The following DAB1 variants were observed in gnomAD, a reference collection of about 807,000 sequenced individuals.
DAB1 encodes the protein DAB adaptor protein 1.
In DAB1, 15 loss-of-function variants were observed where a neutral mutation model predicts 64.6. The observed-to-expected ratio is 0.23, with a 90% CI of 0.16 to 0.36. DAB1 has a LOEUF of 0.36. DAB1 is among the 10% of genes least tolerant of loss of function. DAB1 has a pLI of 1.00. For synonymous variants in DAB1, 235 were observed against 251.9 expected (o/e 0.93, Z 0.64); for missense variants, 596 against 706.7 (o/e 0.84, Z 1.78).
At chr1:58,077,547 T>G (rs1222254061) in intron 5 of DAB1, among the ~76,000 whole-genome samples, 1 of 152,168 alleles carries the variant, frequency 6.6e-6, no homozygotes, top group Non-Finnish European at 1.5e-5. Context: ...GAACAAAGCT[T>G]GCATTGACAA....
At chr1:58,146,432 T>A (rs755461191) in intron 5 of DAB1, among the ~76,000 whole-genome samples, 4 of 152,228 alleles carry the variant, frequency 2.6e-5, no homozygotes, top group Non-Finnish European at 5.9e-5. Flanking sequence ...GTCCTCAAGC[T>A]GTACATCAGA....
chr1:57,465,071 C>T (rs1686910594), intron 7 of DAB1, among the ~76,000 whole-genome samples: 1 of 152,140 alleles, frequency 6.6e-6, no homozygotes, highest in African/African-American at 2.4e-5. Context: ...CTATGCAATA[C>T]CTCAGCTTTT....
At chr1:58,010,079 A>G (rs1172398229) in intron 5 of DAB1, among the ~76,000 whole-genome samples, 1 of 152,172 alleles carries the variant, frequency 6.6e-6, no homozygotes, top group African/African-American at 2.4e-5. Flanking sequence ...AAGTGTAGAC[A>G]GTCTGGCATG....
At chr1:58,014,298 A>G (rs979923097) in intron 5 of DAB1, among the ~76,000 whole-genome samples, 2 of 152,210 alleles carry the variant, frequency 1.3e-5, no homozygotes, top group African/African-American at 4.8e-5. Context: ...GGTTGTTTCT[A>G]CCTAGGGAGG....
chr1:57,783,156 C>T (rs1229923323), intron 6 of DAB1, among the ~76,000 whole-genome samples: 1 of 133,934 alleles, frequency 7.5e-6, no homozygotes, highest in Non-Finnish European at 1.5e-5. Context: ...TAGGCCCAGG[C>T]TGGAGTGCAG....
chr1:58,539,109 A>C (rs1356371226), intron 1 of DAB1: 1 of 872,658 alleles, frequency 1.1e-6, no homozygotes, highest in Non-Finnish European at 2.0e-6. Flanking sequence ...CAGGCAGAAA[A>C]CTCCACCTGT....
chr1:58,491,788 T>A (rs1054729215), intron 3 of DAB1, among the ~76,000 whole-genome samples: 1 of 151,570 alleles, frequency 6.6e-6, no homozygotes, highest in African/African-American at 2.4e-5. Context: ...ACCTACAAAG[T>A]GACTTAGACT....
intron 5 of DAB1, among the ~76,000 whole-genome samples, chr1:58,141,489 C>T (rs764444637): frequency 2.6e-5 from 4 of 152,064 alleles, no homozygotes; most frequent in African/African-American, 9.7e-5. Flanking sequence ...ATGAGATTTG[C>T]GTAGGGACAC....
chr1:57,255,966 A>G (rs1055493906), intron 2 of DAB1, among the ~76,000 whole-genome samples: 1 of 152,248 alleles, frequency 6.6e-6, no homozygotes, highest in Non-Finnish European at 1.5e-5. Context: ...TTAAATGTAT[A>G]TCTTAAATCA....
At chr1:57,641,378 GGTTTTTTTT>G (rs1646126739) in intron 7 of DAB1, among the ~76,000 whole-genome samples, 2 of 109,804 alleles carry the variant, frequency 1.8e-5, no homozygotes, top group African/African-American at 6.7e-5. Context: ...TTTTTTTGTT[GGTTTTTTTT>G]TTTTTTTTTT....
chr1:57,063,949 TG>T (rs1650659423), intron 8 of DAB1, among the ~76,000 whole-genome samples: 1 of 152,192 alleles, frequency 6.6e-6, no homozygotes, highest in Non-Finnish European at 1.5e-5. Context: ...CAGCCAGCAG[TG>T]GTTTTATAAT....
rs939241791 is a variant in DAB1 at position 57,246,270 on chromosome 1, C to G, written c.67+44694G>C. On this transcript the variant is annotated intron_variant, in intron 2 of 14. Coordinates refer to ENST00000371236, the MANE Select transcript of DAB1 (RefSeq NM_001365792.1). ...GGCAAGAACCTACCACCCGCTGCCC[C>G]CTGCTCTGTGCAGCCTTGGGACATG... Among the ~76,000 whole-genome samples, 15 of 152,338 alleles carry G rather than the reference C, an allele frequency of 9.8e-5. No individual in the cohort carries two copies. The South Asian group carries it at 1.7e-3, about 17-fold the overall frequency.
At chr1:57,252,729 A>G (rs1475650090) in intron 2 of DAB1, among the ~76,000 whole-genome samples, 1 of 152,210 alleles carries the variant, frequency 6.6e-6, no homozygotes, top group Non-Finnish European at 1.5e-5. Flanking sequence ...GGGGGCATGT[A>G]TTACAGGCAA....
intron 5 of DAB1, among the ~76,000 whole-genome samples, chr1:58,011,284 G>A (rs1646664617): frequency 6.6e-6 from 1 of 152,200 alleles, no homozygotes; most frequent in Admixed American, 6.5e-5. Context: ...GTATTGGCCT[G>A]TGAAGCCATC....
chr1:58,453,348 G>A (rs1419961557), intron 3 of DAB1, among the ~76,000 whole-genome samples: 1 of 152,110 alleles, frequency 6.6e-6, no homozygotes, highest in Non-Finnish European at 1.5e-5. Context: ...AAAGGAAGTC[G>A]ACTTGACTGC....
intron 14 of DAB1, among the ~76,000 whole-genome samples, chr1:57,007,604 G>C (rs187187124): frequency 6.6e-6 from 1 of 152,318 alleles, no homozygotes; most frequent in Admixed American, 6.5e-5. Flanking sequence ...CACCTGTGGG[G>C]ATTGAGTCCG....
intron 6 of DAB1, among the ~76,000 whole-genome samples, chr1:57,712,266 C>T (rs1647036971): frequency 6.6e-6 from 1 of 151,972 alleles, no homozygotes; most frequent in South Asian, 2.1e-4. Context: ...ATGAGAATAC[C>T]CACCAAAGTG....
intron 4 of DAB1, among the ~76,000 whole-genome samples, chr1:58,314,589 T>C (rs1662510938): frequency 1.3e-5 from 2 of 152,214 alleles, no homozygotes; most frequent in Admixed American, 1.3e-4. Flanking sequence ...TCACTGGATC[T>C]TCATAATAAT....
At chr1:58,530,029 C>T (rs1194281337) in intron 1 of DAB1, among the ~76,000 whole-genome samples, 2 of 152,062 alleles carry the variant, frequency 1.3e-5, no homozygotes, top group Non-Finnish European at 2.9e-5. Flanking sequence ...TACAGGCGCC[C>T]GCCACAACGC....
Sources: gnomAD v4.1 joint callset for allele counts (sites outside exome capture counted in the v4.1 genomes callset) on GRCh38, gnomAD v4.1.1 for gene constraint, MANE v1.5 for transcripts, NCBI Gene and HGNC (gene_info 2026-07-23, HGNC 2026-07-21) for gene names.